Variants in KLHL7 observed in about 807,000 individuals in gnomAD.
The protein encoded by KLHL7 is kelch-like protein 7.
KLHL7 carries 44 observed loss-of-function variants against 67.4 expected under a neutral mutation model. The ratio of observed to expected loss-of-function variants is 0.65; its 90% confidence interval spans 0.51 to 0.84. KLHL7 has a LOEUF of 0.84. Among genes scored for constraint, KLHL7 ranks in the 40% least tolerant of loss-of-function variants. The pLI is 0.00. For synonymous variants in KLHL7, 252 were observed against 243.3 expected (o/e 1.04, Z -0.33); for missense variants, 362 against 718.1 (o/e 0.50, Z 5.67).
At chr7:23,168,298 T>G (rs1785060517) in intron 9 of KLHL7, among the ~76,000 whole-genome samples, 1 of 152,168 alleles carries the variant, frequency 6.6e-6, no homozygotes. Context: ...ATGAGACACA[T>G]CTGATTGATT....
intron 1 of KLHL7, among the ~76,000 whole-genome samples, chr7:23,109,729 C>T (rs1782786860): frequency 1.3e-5 from 2 of 152,212 alleles, no homozygotes; most frequent in African/African-American, 4.8e-5. Context: ...CAGTGTTAAA[C>T]CCTTGATATT....
chr7:23,134,196 G>T (rs1783896203), intron 4 of KLHL7, among the ~76,000 whole-genome samples: 1 of 151,964 alleles, frequency 6.6e-6, no homozygotes, highest in African/African-American at 2.4e-5. Context: ...TTTCAGCATT[G>T]ACTGAAATTT....
rs191761261 is a variant in KLHL7 at position 23,131,913 on chromosome 7, T to C, written c.442+6741T>C. ...AACGAGAATATGTGATGTCTGTCTT[T>C]CTGTGCCTGGCTTATTTCACTTAAC... On this transcript the variant is annotated intron_variant, in intron 4 of 10. Transcript: ENST00000339077. Among the ~76,000 whole-genome samples the C allele has an allele frequency of 3.4e-3, 512 of 152,234 alleles. 3 individuals are homozygous for C. The highest frequency in any genetic ancestry group is 0.012 in the African/African-American group (479 of 41,540).
rs369356090 is a variant in KLHL7 at position 23,177,436 on chromosome 7, A to G, written c.*3138A>G. On this transcript the variant is annotated 3_prime_UTR_variant, in exon 11 of 11. Coordinates refer to ENST00000339077, the MANE Select transcript of KLHL7 (RefSeq NM_001031710.3). ...CATACACAGGTTTGATGTGGATTAT[A>G]ATGAAGTGGTTTTTTTCCTTAGTAA... 1.3e-5 allele frequency: 2 copies of G among 152,204 alleles called. No homozygotes were observed. Among genetic ancestry groups the G allele is most frequent in the African/African-American group, 4.8e-5 (2 of 41,450 alleles). The allele number at this position is 152,204 out of a possible 1,614,324, so 9.4% of individuals were successfully genotyped here. A position where few individuals can be genotyped will look rare whatever the true frequency, so the allele number is the denominator to read the frequency against.
chr7:23,123,141 CGTT>C (rs948363802), intron 1 of KLHL7, among the ~76,000 whole-genome samples: 4 of 152,184 alleles, frequency 2.6e-5, no homozygotes. Flanking sequence ...ACTATTTTGA[CGTT>C]GGTCAGAAAT....
chr7:23,125,233 AT>A (rs748896768), intron 4 of KLHL7, 61 bp downstream of exon 4: 1 of 1,562,072 alleles, frequency 6.4e-7, no homozygotes, highest in Non-Finnish European at 8.8e-7. Context: ...TTCTAATTTA[AT>A]TTTTTAAAAA....
chr7:23,106,614 C>A, intron 1 of KLHL7: 1 of 1,039,030 alleles, frequency 9.6e-7, no homozygotes, highest in Non-Finnish European at 1.2e-6. Context: ...CTCCTGTGTT[C>A]CCCGGTGGAG....
intron 4 of KLHL7, chr7:23,125,615 CT>C: frequency 1.1e-6 from 1 of 942,866 alleles, no homozygotes; most frequent in Non-Finnish European, 1.5e-6. Flanking sequence ...TAATTCTTAG[CT>C]ACTACACCTT....
At chr7:23,168,314 A>G (rs749955436) in intron 9 of KLHL7, among the ~76,000 whole-genome samples, 1 of 152,150 alleles carries the variant, frequency 6.6e-6, no homozygotes, top group Non-Finnish European at 1.5e-5. Flanking sequence ...TGATTCGTCA[A>G]CTCATAAAAT....
intron 6 of KLHL7, among the ~76,000 whole-genome samples, chr7:23,146,805 TTAAAC>T (rs1784372352): frequency 6.6e-6 from 1 of 152,110 alleles, no homozygotes; most frequent in South Asian, 2.1e-4. Context: ...TTGAAACACA[TTAAAC>T]TAAATTTCCA....
intron 7 of KLHL7, among the ~76,000 whole-genome samples, chr7:23,164,809 G>A (rs188161535): frequency 2.0e-5 from 3 of 152,310 alleles, no homozygotes; most frequent in Non-Finnish European, 4.4e-5. Context: ...TTTTCTCGAA[G>A]GAAACTCAAT....
At position 23,126,860 on chromosome 7, in the gene KLHL7, A is replaced by C. The variant is rs189206581; in HGVS notation, c.442+1688A>C. Among the ~76,000 whole-genome samples the C allele has an allele frequency of 2.5e-3, 387 of 152,304 alleles. 1 individual carries two copies. Among genetic ancestry groups the C allele is most frequent in the African/African-American group, 8.8e-3 (364 of 41,564 alleles). On this transcript the variant is annotated intron_variant, in intron 4 of 10. Coordinates refer to ENST00000339077, the MANE Select transcript of KLHL7 (RefSeq NM_001031710.3). ...GAGAAATAGCTATGCAGGTGAATAT[A>C]CTGAAGGAATTTTTAAAAGGTAGCC...
intron 9 of KLHL7, 105 bp from the exon 10 acceptor site, chr7:23,172,843 T>A (rs573704697): frequency 2.4e-6 from 2 of 831,326 alleles, no homozygotes; most frequent in African/African-American, 3.4e-5. Flanking sequence ...TGTACACATA[T>A]GTGAGTAGTA....
chr7:23,122,555 A>T (rs1783396070), intron 1 of KLHL7, among the ~76,000 whole-genome samples: 1 of 152,218 alleles, frequency 6.6e-6, no homozygotes, highest in South Asian at 2.1e-4. Context: ...TGAGAATAAA[A>T]ATAGCTTTAG....
At chr7:23,106,189 C>T in intron 1 of KLHL7, 43 bp downstream of exon 1, 2 of 1,599,278 alleles carry the variant, frequency 1.3e-6, no homozygotes, top group Non-Finnish European at 1.7e-6. Context: ...GGGAGGTGGT[C>T]CGGGGCTCGG....
chr7:23,113,831 A>C (rs1782976718), intron 1 of KLHL7, among the ~76,000 whole-genome samples: 1 of 152,052 alleles, frequency 6.6e-6, no homozygotes, highest in Non-Finnish European at 1.5e-5. Context: ...TGTCTCAAAA[A>C]AACCCCCCGA....
chr7:23,108,089 T>A (rs1247509163), intron 1 of KLHL7, among the ~76,000 whole-genome samples: 1 of 152,236 alleles, frequency 6.6e-6, no homozygotes, highest in African/African-American at 2.4e-5. Context: ...TTATGACTAC[T>A]TTTACATCCC....
intron 7 of KLHL7, among the ~76,000 whole-genome samples, chr7:23,162,809 G>C (rs1244672006): frequency 6.6e-6 from 1 of 152,184 alleles, no homozygotes. Context: ...GAAAGTACTT[G>C]TAATTTAGTC....
chr7:23,175,487 G>A lies in KLHL7; in HGVS notation c.*1189G>A. On this transcript the variant is annotated 3_prime_UTR_variant, in exon 11 of 11. Coordinates refer to ENST00000339077, the MANE Select transcript of KLHL7 (RefSeq NM_001031710.3). ...TTGTTTTTAGAATTTGTGAACCAGT[G>A]TCTCTTAATTTTCAGTTTTCTTTAT... is the stretch of plus-strand genomic sequence containing the variant. 1 of 379,506 alleles carries A rather than the reference G, an allele frequency of 2.6e-6. No homozygotes were observed. The highest frequency in any genetic ancestry group is 3.7e-5 in the Admixed American group (1 of 27,206). 23.5% of individuals were successfully genotyped at this position (379,506 alleles called of 1,614,324 possible). A position where few individuals can be genotyped will look rare whatever the true frequency, so the allele number is the denominator to read the frequency against.
Sources: gnomAD v4.1 joint callset for allele counts (sites outside exome capture counted in the v4.1 genomes callset) on GRCh38, gnomAD v4.1.1 for gene constraint, MANE v1.5 for transcripts, NCBI Gene and HGNC (gene_info 2026-07-23, HGNC 2026-07-21) for gene names.